Variants in DTNA observed in about 807,000 individuals in gnomAD.
DTNA encodes dystrobrevin alpha, also known as dystrophin-related protein 3.
In DTNA, 43 loss-of-function variants were observed where a neutral mutation model predicts 100.7. That is an observed-to-expected ratio of 0.43 (90% CI 0.33 to 0.55). DTNA has a LOEUF of 0.55. Ranked by LOEUF, DTNA falls within the 20% of genes least tolerant of loss-of-function variation. The pLI, the probability that DTNA is intolerant of heterozygous loss-of-function variation, is 0.04. For missense variants in DTNA, 798 were observed against 953.9 expected, an observed-to-expected ratio of 0.84 and a Z score of 2.15; for synonymous variants, 349 against 347.9, an observed-to-expected ratio of 1.00 and a Z score of -0.04.
intron 2 of DTNA, among the ~76,000 whole-genome samples, chr18:34,761,126 TCACACACACA>T (rs6146260): frequency 1.3e-3 from 196 of 149,304 alleles, no homozygotes; most frequent in African/African-American, 3.6e-3. Context: ...CCTCCATCCT[TCACACACACA>T]CACACACACA....
chr18:34,606,110 C>G (rs190621109), intron 1 of DTNA, among the ~76,000 whole-genome samples: 2 of 152,144 alleles, frequency 1.3e-5, no homozygotes, highest in African/African-American at 4.8e-5. Context: ...AAAAGGAAGA[C>G]TTTGGAGTTT....
intron 1 of DTNA, among the ~76,000 whole-genome samples, chr18:34,746,189 G>A (rs1012029985): frequency 1.3e-5 from 2 of 149,940 alleles, no homozygotes; most frequent in African/African-American, 4.9e-5. Flanking sequence ...TAATTTGGGG[G>A]GGGGACTTTT....
chr18:34,806,903 C>T (rs376183234), intron 5 of DTNA, among the ~76,000 whole-genome samples: 10 of 151,348 alleles, frequency 6.6e-5, no homozygotes, highest in South Asian at 4.2e-4. Flanking sequence ...CCTTAACCAA[C>T]GACACACTGG....
At chr18:34,519,757 A>G (rs974158263) in intron 1 of DTNA, among the ~76,000 whole-genome samples, 5 of 152,216 alleles carry the variant, frequency 3.3e-5, no homozygotes, top group Non-Finnish European at 7.3e-5. Flanking sequence ...CAAGTTTTCA[A>G]TTGAAGCAAC....
chr18:34,586,922 A>C (rs925338776), intron 1 of DTNA, among the ~76,000 whole-genome samples: 1 of 152,026 alleles, frequency 6.6e-6, no homozygotes. Context: ...CAAAGGAAAA[A>C]TACCCCCACC....
chr18:34,514,521 T>G (rs2041402348), intron 1 of DTNA, among the ~76,000 whole-genome samples: 1 of 152,116 alleles, frequency 6.6e-6, no homozygotes, highest in African/African-American at 2.4e-5. Context: ...AAATGCAATA[T>G]CTAAGGCAGT....
At chr18:34,512,718 T>C (rs1386285623) in intron 1 of DTNA, among the ~76,000 whole-genome samples, 2 of 152,080 alleles carry the variant, frequency 1.3e-5, no homozygotes, top group African/African-American at 2.4e-5. Flanking sequence ...TAGAAAACTT[T>C]AGGGCCCTAG....
At chr18:34,593,801 A>G (rs148053439) in intron 1 of DTNA, among the ~76,000 whole-genome samples, 24 of 152,326 alleles carry the variant, frequency 1.6e-4, no homozygotes, top group Non-Finnish European at 2.8e-4. Flanking sequence ...CTTAAGCACT[A>G]TGAGTTTACT....
At chr18:34,548,793 G>T (rs1231498472) in intron 1 of DTNA, among the ~76,000 whole-genome samples, 1 of 152,060 alleles carries the variant, frequency 6.6e-6, no homozygotes, top group African/African-American at 2.4e-5. Context: ...TTAATATCGG[G>T]TAACTGCATA....
intron 1 of DTNA, among the ~76,000 whole-genome samples, chr18:34,657,483 C>G (rs2074557402): frequency 6.6e-6 from 1 of 152,100 alleles, no homozygotes; most frequent in African/African-American, 2.4e-5. Flanking sequence ...TAAAAGTAAT[C>G]TATTTTTATT....
chr18:34,527,955 G>T (rs552100706), intron 1 of DTNA, among the ~76,000 whole-genome samples: 1 of 152,072 alleles, frequency 6.6e-6, no homozygotes, highest in Non-Finnish European at 1.5e-5. Context: ...TTTATGCCCA[G>T]CCTTTAGTAA....
chr18:34,566,612 T>C (rs2047111164), intron 1 of DTNA, among the ~76,000 whole-genome samples: 1 of 152,256 alleles, frequency 6.6e-6, no homozygotes, highest in Admixed American at 6.5e-5. Flanking sequence ...TTAGAGCCGC[T>C]GTGCTGGAGT....
At chr18:34,604,385 T>G (rs1010788731) in intron 1 of DTNA, among the ~76,000 whole-genome samples, 2 of 152,198 alleles carry the variant, frequency 1.3e-5, no homozygotes, top group Non-Finnish European at 2.9e-5. Flanking sequence ...GCACACATTT[T>G]TTTTCCTTTA....
At chr18:34,626,786 C>T (rs758655822) in intron 1 of DTNA, among the ~76,000 whole-genome samples, 1 of 152,192 alleles carries the variant, frequency 6.6e-6, no homozygotes, top group South Asian at 2.1e-4. Flanking sequence ...ACAGATGCAG[C>T]CTGGGGCTGT....
In DTNA at chr18:34,689,597, G is replaced by A. The variant is rs146466744; in HGVS notation, c.-1-66379G>A. ...TATCTATCGAACCCTGCTGGGAGGT[G>A]TCTCCCCATCAGGAGGCATGGGTGT... On this transcript the variant is annotated intron_variant, in intron 1 of 19. Coordinates refer to the DTNA transcript ENST00000283365. Among the ~76,000 whole-genome samples the A allele has an allele frequency of 2.1e-3, 326 of 152,326 alleles. 2 individuals are homozygous for A. Among genetic ancestry groups the A allele is most frequent in the African/African-American group, 7.2e-3 (301 of 41,578 alleles).
chr18:34,536,669 C>T (rs975616176), intron 1 of DTNA, among the ~76,000 whole-genome samples: 2 of 151,890 alleles, frequency 1.3e-5, no homozygotes, highest in Non-Finnish European at 2.9e-5. Context: ...ACTTTTCTAT[C>T]ATAGTGAAGT....
chr18:34,541,193 G>A (rs1450415093), intron 1 of DTNA, among the ~76,000 whole-genome samples: 1 of 152,006 alleles, frequency 6.6e-6, no homozygotes, highest in Non-Finnish European at 1.5e-5. Context: ...TTCTACGTAT[G>A]ATAAACACAA....
intron 1 of DTNA, among the ~76,000 whole-genome samples, chr18:34,672,477 A>G (rs1476945859): frequency 6.6e-6 from 1 of 152,224 alleles, no homozygotes; most frequent in Non-Finnish European, 1.5e-5. Flanking sequence ...AGCGATTTCT[A>G]TAACAAAATA....
At chr18:34,688,168 A>G (rs964448837) in intron 1 of DTNA, among the ~76,000 whole-genome samples, 1 of 152,156 alleles carries the variant, frequency 6.6e-6, no homozygotes, top group African/African-American at 2.4e-5. Flanking sequence ...TTATGTGTGA[A>G]TTTGATCCTG....
Sources: allele counts gnomAD v4.1 joint callset (sites outside exome capture counted in the v4.1 genomes callset), GRCh38; gene constraint gnomAD v4.1.1; transcripts MANE v1.5; gene names NCBI Gene and HGNC (gene_info 2026-07-23, HGNC 2026-07-21).